The following GRB10 variants were observed in gnomAD, a reference collection of about 807,000 sequenced individuals.
GRB10 encodes growth factor receptor bound protein 10.
Under a neutral mutation model 80.9 loss-of-function variants are expected in GRB10, and 20 were observed. That is an observed-to-expected ratio of 0.25 (90% confidence interval 0.17 to 0.36). The LOEUF (loss-of-function observed/expected upper bound fraction) is 0.36. GRB10 is among the 10% of genes least tolerant of loss of function. GRB10 has a pLI of 1.00. For missense variants in GRB10, 548 were observed against 747.7 expected (o/e 0.73, Z 3.12); for synonymous variants, 291 against 291.5 (o/e 1.00, Z 0.02).
chr7:50,759,138 A>AC (rs2075440342), intron 2 of GRB10, among the ~76,000 whole-genome samples: 1 of 150,176 alleles, frequency 6.7e-6, no homozygotes, highest in Admixed American at 6.7e-5. Flanking sequence ...GGCTGCAGTG[A>AC]GCTGAGATCA....
At chr7:50,650,435 T>C (rs1416481852) in intron 7 of GRB10, among the ~76,000 whole-genome samples, 1 of 134,710 alleles carries the variant, frequency 7.4e-6, no homozygotes, top group African/African-American at 2.9e-5. Flanking sequence ...GAGAGGAATG[T>C]GGCCACAGAA....
At chr7:50,714,134 C>T (rs1297376791) in intron 4 of GRB10, among the ~76,000 whole-genome samples, 1 of 152,180 alleles carries the variant, frequency 6.6e-6, no homozygotes, top group Non-Finnish European at 1.5e-5. Context: ...AAAAAGGCAA[C>T]TATTCAGACA....
At chr7:50,670,115 A>T (rs2060205103) in intron 6 of GRB10, among the ~76,000 whole-genome samples, 1 of 152,244 alleles carries the variant, frequency 6.6e-6, no homozygotes, top group African/African-American at 2.4e-5. Context: ...AAAAGGAAGC[A>T]CATTCTGACA....
rs934800911 is a variant in GRB10 at position 50,780,670 on chromosome 7, CT to C, written c.-261del. ...GATGTAGGTGGTTCAGAGGTCACAC[CT>C]TAAAAACCCTGGTCTCTCCTATACA... is the stretch of plus-strand genomic sequence containing the variant. On this transcript the variant is annotated 5_prime_UTR_variant, in exon 2 of 19. It removes the in-frame stop codon of an upstream open reading frame in the 5' UTR. Transcript: ENST00000401949. The C allele has an allele frequency of 1.7e-4, 26 of 152,252 alleles. No individual in the cohort carries two copies. The highest frequency in any genetic ancestry group is 5.8e-4 in the African/African-American group (24 of 41,532). The allele number at this position is 152,252 out of a possible 1,614,324, so 9.4% of individuals were successfully genotyped here.
intron 2 of GRB10, among the ~76,000 whole-genome samples, chr7:50,756,264 G>A (rs924425816): frequency 6.6e-6 from 1 of 152,226 alleles, no homozygotes. Flanking sequence ...CAGAGACAGA[G>A]GACAGAGGGA....
At chr7:50,660,229 G>A (rs541990144) in intron 7 of GRB10, among the ~76,000 whole-genome samples, 113 of 152,234 alleles carry the variant, frequency 7.4e-4, no homozygotes, top group African/African-American at 2.6e-3. Flanking sequence ...GGAAGTGGCA[G>A]GGAGGCGCAA....
intron 4 of GRB10, among the ~76,000 whole-genome samples, chr7:50,725,462 C>T (rs771748160): frequency 2.0e-5 from 3 of 152,108 alleles, no homozygotes; most frequent in South Asian, 2.1e-4. Flanking sequence ...TGAGTGTGGA[C>T]GAATACAGTG....
intron 2 of GRB10, among the ~76,000 whole-genome samples, chr7:50,777,799 A>G (rs2077849810): frequency 6.6e-6 from 1 of 152,162 alleles, no homozygotes; most frequent in African/African-American, 2.4e-5. Context: ...ATCATCCTCA[A>G]CAAACTAACA....
At chr7:50,635,998 AG>A (rs1480077568) in intron 7 of GRB10, among the ~76,000 whole-genome samples, 7 of 96,050 alleles carry the variant, frequency 7.3e-5, no homozygotes, top group African/African-American at 2.9e-4. Context: ...TTTGAGACAG[AG>A]TCTCATTCTG....
chr7:50,708,982 G>A (rs973952045), intron 4 of GRB10, among the ~76,000 whole-genome samples: 34 of 152,250 alleles, frequency 2.2e-4, no homozygotes, highest in African/African-American at 7.2e-4. Context: ...CTGTGAGTCC[G>A]CTTTTTACTC....
chr7:50,739,552 T>C (rs952264523), intron 3 of GRB10, among the ~76,000 whole-genome samples: 1 of 152,256 alleles, frequency 6.6e-6, no homozygotes, highest in Non-Finnish European at 1.5e-5. Flanking sequence ...GGCAACGTAC[T>C]AAGTGCATGC....
chr7:50,614,065 A>T (rs2050070828), intron 12 of GRB10, among the ~76,000 whole-genome samples: 1 of 152,208 alleles, frequency 6.6e-6, no homozygotes, highest in Non-Finnish European at 1.5e-5. Context: ...AGTAAATATC[A>T]TCTACCATTA....
At chr7:50,718,682 A>G (rs2067252426) in intron 4 of GRB10, among the ~76,000 whole-genome samples, 1 of 152,198 alleles carries the variant, frequency 6.6e-6, no homozygotes, top group Non-Finnish European at 1.5e-5. Flanking sequence ...GGCAGGTTTC[A>G]AAAACACATT....
At chr7:50,718,844 T>C (rs139559103) in intron 4 of GRB10, among the ~76,000 whole-genome samples, 1 of 152,284 alleles carries the variant, frequency 6.6e-6, no homozygotes, top group East Asian at 1.9e-4. Context: ...GTCCAATGTC[T>C]AAGCTTGTTG....
intron 4 of GRB10, among the ~76,000 whole-genome samples, chr7:50,716,292 T>C (rs1467766388): frequency 6.6e-6 from 1 of 152,146 alleles, no homozygotes; most frequent in Non-Finnish European, 1.5e-5. Context: ...TGGGCCCAGC[T>C]AACAAAGCTT....
chr7:50,779,445 T>G (rs1364218587), intron 2 of GRB10: 1 of 152,202 alleles, frequency 6.6e-6, no homozygotes, highest in African/African-American at 2.4e-5. Context: ...AGAAAATAAA[T>G]AAGCAAAATA....
intron 3 of GRB10, among the ~76,000 whole-genome samples, chr7:50,753,117 G>A (rs1200323004): frequency 3.3e-5 from 5 of 152,170 alleles, no homozygotes; most frequent in East Asian, 1.9e-4. Context: ...GCCATGGCCC[G>A]TCACTATAGG....
At chr7:50,739,368 G>A (rs559332915) in intron 3 of GRB10, among the ~76,000 whole-genome samples, 1 of 152,264 alleles carries the variant, frequency 6.6e-6, no homozygotes, top group South Asian at 2.1e-4. Context: ...GCAGCTAATT[G>A]CAAATTATGT....
At chr7:50,732,730 G>A (rs746451813) in intron 3 of GRB10, among the ~76,000 whole-genome samples, 13 of 152,070 alleles carry the variant, frequency 8.5e-5, no homozygotes, top group Admixed American at 2.0e-4. Flanking sequence ...TCAAGCTTTC[G>A]CAAATAGGGA....
Sources: gnomAD v4.1 joint callset for allele counts (sites outside exome capture counted in the v4.1 genomes callset) on GRCh38, gnomAD v4.1.1 for gene constraint, MANE v1.5 for transcripts, NCBI Gene and HGNC (gene_info 2026-07-23, HGNC 2026-07-21) for gene names.